IPCEF1: variants seen among roughly 807,000 people sequenced by gnomAD.
IPCEF1 encodes interactor protein for cytohesin exchange factors 1.
Under a neutral mutation model 50.9 loss-of-function variants are expected in IPCEF1, and 31 were observed. The ratio of observed to expected loss-of-function variants is 0.61; its 90% confidence interval spans 0.46 to 0.82. IPCEF1 has a LOEUF of 0.82. Among genes scored for constraint, IPCEF1 ranks in the 40% least tolerant of loss-of-function variants. IPCEF1 has a pLI of 0.00. For synonymous variants in IPCEF1, 181 were observed against 192.0 expected, an observed-to-expected ratio of 0.94 and a Z score of 0.47; for missense variants, 458 against 514.0, an observed-to-expected ratio of 0.89 and a Z score of 1.05.
chr6:154,209,696 A>G (rs1777808766), intron 9 of IPCEF1, among the ~76,000 whole-genome samples: 1 of 152,080 alleles, frequency 6.6e-6, no homozygotes, highest in Admixed American at 6.5e-5. Flanking sequence ...ATCTGTTTAA[A>G]TAAAAAGCCT....
chr6:154,230,862 T>C (rs896021651), intron 5 of IPCEF1, among the ~76,000 whole-genome samples: 1 of 152,182 alleles, frequency 6.6e-6, no homozygotes, highest in African/African-American at 2.4e-5. Flanking sequence ...AAATAGAATC[T>C]TGAATTCAAG....
intron 3 of IPCEF1, 104 bp downstream of exon 3, chr6:154,265,808 T>G: frequency 1.3e-6 from 1 of 785,336 alleles, no homozygotes; most frequent in Non-Finnish European, 2.1e-6. Context: ...GCTAATGAAA[T>G]TGAGGACAAT....
At chr6:154,167,597 C>A (rs1678671523) in intron 11 of IPCEF1, among the ~76,000 whole-genome samples, 1 of 152,166 alleles carries the variant, frequency 6.6e-6, no homozygotes, top group Non-Finnish European at 1.5e-5. Flanking sequence ...ATTTATTGAA[C>A]CAGGTACTGT....
chr6:154,330,315 A>AT (rs1200093581), intron 1 of IPCEF1, among the ~76,000 whole-genome samples: 3 of 149,174 alleles, frequency 2.0e-5, no homozygotes, highest in African/African-American at 7.4e-5. Flanking sequence ...GACTTCTACA[A>AT]TTATAGCCTC....
intron 5 of IPCEF1, among the ~76,000 whole-genome samples, chr6:154,224,976 G>T (rs909793685): frequency 6.6e-6 from 1 of 152,048 alleles, no homozygotes; most frequent in Non-Finnish European, 1.5e-5. Flanking sequence ...TTCTCAATCC[G>T]CCTTACAAAA....
rs1033667837 is a variant in IPCEF1 at position 154,155,400 on chromosome 6, T to G, written c.*4428A>C. On this transcript the variant is annotated 3_prime_UTR_variant, in exon 12 of 12. Coordinates refer to ENST00000367220, the MANE Select transcript of IPCEF1 (RefSeq NM_001130700.2). ...TGGAAAACCACAATTGGATATCATA[T>G]TCTTGTTAGACTGAAGAAGAAATGC... 1 of 152,224 alleles carries G rather than the reference T, an allele frequency of 6.6e-6. No homozygotes were observed. The highest frequency in any genetic ancestry group is 1.5e-5 in the Non-Finnish European group (1 of 68,034). 9.4% of individuals were successfully genotyped at this position (152,224 alleles called of 1,614,324 possible). A position where few individuals can be genotyped will look rare whatever the true frequency, so the allele number is the denominator to read the frequency against.
intron 10 of IPCEF1, among the ~76,000 whole-genome samples, chr6:154,175,893 C>A (rs1321590632): frequency 6.6e-6 from 1 of 152,180 alleles, no homozygotes; most frequent in Non-Finnish European, 1.5e-5. Flanking sequence ...AGGCCAATAT[C>A]CCTGATGAAC....
chr6:154,326,313 GA>G (rs1354357070), intron 1 of IPCEF1, among the ~76,000 whole-genome samples: 2 of 151,584 alleles, frequency 1.3e-5, no homozygotes, highest in African/African-American at 4.9e-5. Flanking sequence ...CCTCTATCTA[GA>G]AAACCCCATC....
rs148926651 is a variant in IPCEF1 at position 154,329,181 on chromosome 6, G to A, written c.-62+27491C>T. On this transcript the variant is annotated intron_variant, in intron 1 of 11. Coordinates refer to ENST00000367220, the MANE Select transcript of IPCEF1 (RefSeq NM_001130700.2). ...CATCCCAGCCCTTTGGGAGGTCGACGGGGGAGAATCACTTGAGGCCAGGAG... is the reference window on the plus strand; with the variant it reads ...CATCCCAGCCCTTTGGGAGGTCGACAGGGGAGAATCACTTGAGGCCAGGAG... 1.4e-3 allele frequency among the ~76,000 whole-genome samples: 206 copies of A among 145,940 alleles called. 2 individuals carry two copies. The East Asian group carries it at 0.022, about 16-fold the overall frequency.
chr6:154,280,765 G>A (rs557812128), intron 2 of IPCEF1, among the ~76,000 whole-genome samples: 3 of 152,316 alleles, frequency 2.0e-5, no homozygotes, highest in South Asian at 2.1e-4. Flanking sequence ...GAGGGGATTC[G>A]GGATCCCGAT....
intron 10 of IPCEF1, among the ~76,000 whole-genome samples, chr6:154,196,839 G>C (rs964097459): frequency 3.3e-5 from 5 of 152,150 alleles, no homozygotes; most frequent in Non-Finnish European, 7.3e-5. Flanking sequence ...TTAACACCCT[G>C]ATTTTATTTT....
In IPCEF1 at chr6:154,228,403, A is replaced by G. The variant is rs116375125; in HGVS notation, c.247-5160T>C. 6.1e-3 allele frequency among the ~76,000 whole-genome samples: 935 copies of G among 152,326 alleles called. 8 individuals carry two copies. Among genetic ancestry groups the G allele is most frequent in the African/African-American group, 0.021 (859 of 41,570 alleles). On this transcript the variant is annotated intron_variant, in intron 5 of 11. Transcript: ENST00000367220. The stretch of plus-strand genomic sequence containing the variant: ...AAAAACTTGTTCTCCTGCCAGAGGT[A>G]TCAAACCCATCGTTTGGCCATTGTA...
chr6:154,317,580 A>G (rs1186231276), intron 1 of IPCEF1, among the ~76,000 whole-genome samples: 1 of 148,418 alleles, frequency 6.7e-6, no homozygotes, highest in Non-Finnish European at 1.5e-5. Flanking sequence ...AAAAAAGCAA[A>G]TGACTCAGAC....
intron 2 of IPCEF1, among the ~76,000 whole-genome samples, chr6:154,273,620 G>A (rs548981070): frequency 1.3e-5 from 2 of 151,634 alleles, no homozygotes; most frequent in South Asian, 4.2e-4. Flanking sequence ...TATGCGGCAG[G>A]GGAGGTTTGG....
intron 1 of IPCEF1, among the ~76,000 whole-genome samples, chr6:154,336,222 G>A (rs957446731): frequency 6.6e-6 from 1 of 152,210 alleles, no homozygotes; most frequent in Non-Finnish European, 1.5e-5. Context: ...GTGCTTGCAT[G>A]TTTATTGTAG....
chr6:154,271,867 G>T (rs1463154750), intron 2 of IPCEF1, among the ~76,000 whole-genome samples: 1 of 152,146 alleles, frequency 6.6e-6, no homozygotes, highest in Non-Finnish European at 1.5e-5. Flanking sequence ...TGCACCTGTA[G>T]CCCCAGCTAC....
intron 1 of IPCEF1, among the ~76,000 whole-genome samples, chr6:154,350,722 GT>G (rs532962693): frequency 5.7e-4 from 86 of 152,192 alleles, no homozygotes; most frequent in Non-Finnish European, 1.1e-3. Context: ...CAATTGGTTA[GT>G]TTTTTTATTT....
intron 1 of IPCEF1, among the ~76,000 whole-genome samples, chr6:154,353,280 TCTTTTC>T (rs1562299799): frequency 3.3e-5 from 5 of 151,820 alleles, no homozygotes; most frequent in African/African-American, 7.3e-5. Flanking sequence ...CCATTTCTTT[TCTTTTC>T]CTTTTCCTTT....
intron 5 of IPCEF1, among the ~76,000 whole-genome samples, chr6:154,227,508 C>T (rs184240103): frequency 1.3e-5 from 2 of 152,082 alleles, no homozygotes; most frequent in East Asian, 3.9e-4. Context: ...CACTTGAGCC[C>T]AAGAGTTCAA....
Sources: allele counts gnomAD v4.1 joint callset (sites outside exome capture counted in the v4.1 genomes callset), GRCh38; gene constraint gnomAD v4.1.1; transcripts MANE v1.5; gene names NCBI Gene and HGNC (gene_info 2026-07-23, HGNC 2026-07-21).